Variants in SRCAP observed in about 807,000 individuals in gnomAD.
The protein encoded by SRCAP is Snf2 related CREBBP activator protein.
A neutral mutation model predicts 263.1 loss-of-function variants in SRCAP; 46 were observed. The observed-to-expected ratio is 0.17, with a 90% confidence interval of 0.14 to 0.22. The LOEUF (loss-of-function observed/expected upper bound fraction) is 0.22. Ranked by LOEUF, SRCAP falls within the 10% of genes least tolerant of loss-of-function variation. SRCAP has a pLI of 1.00. For synonymous variants in SRCAP, 1,813 were observed against 1,662.1 expected (o/e 1.09, Z -2.21); for missense variants, 3,695 against 4,181.9 (o/e 0.88, Z 3.21).
Position 30,723,946 on chromosome 16 carries a change from G to T in SRCAP, c.4522G>T (p.Gly1508Cys). The change falls in exon 25 of 34, where the codon GGT becomes TGT. Residue 1508 changes from glycine (G) to cysteine (C), a missense_variant. Around this residue, in one of 12 missense-constraint regions of SRCAP, gnomAD observed 1,347 missense variants for 1,304.4 expected, o/e 1.03. Coordinates refer to ENST00000262518, the MANE Select transcript of SRCAP (RefSeq NM_006662.3). Reference protein sequence around the residue: ...ASPSASALTLGLATAPSLSSS... With the variant: ...ASPSASALTLCLATAPSLSSS... Reference sequence around the variant, plus strand: ...CCCGTCAGCATCAGCCTTGACTCTAGGTTTGGCCACAGCTCCATCCCTGTC... The same window carrying T: ...CCCGTCAGCATCAGCCTTGACTCTATGTTTGGCCACAGCTCCATCCCTGTC... The T allele has an allele frequency of 6.2e-7, 1 of 1,614,122 alleles. No homozygotes were observed. The highest frequency in any genetic ancestry group is 8.5e-7 in the Non-Finnish European group (1 of 1,180,034).
At position 30,739,574 on chromosome 16, in the gene SRCAP, TGAG is replaced by T. The variant is rs376601598; in HGVS notation, c.9543_9545del (p.Glu3182del). ...AGGAGTCTGAGGCTGAAGCCTCAGGTGAGGAGGAGGAAGGGGATGGGACCCCAC... is the reference window on the plus strand; with the variant it reads ...AGGAGTCTGAGGCTGAAGCCTCAGGTGAGGAGGAAGGGGATGGGACCCCAC... On this transcript the variant is annotated inframe_deletion, in exon 34 of 34. Coordinates refer to ENST00000262518, the MANE Select transcript of SRCAP (RefSeq NM_006662.3). 19 of 1,605,816 alleles carry T rather than the reference TGAG, an allele frequency of 1.2e-5. No homozygotes were observed. In the East Asian group the frequency reaches 1.4e-4, roughly 11 times the overall value.
Position 30,700,772 on chromosome 16 carries a change from A to T in SRCAP, c.-53A>T, listed in dbSNP as rs370745484. Reference sequence around the variant, plus strand: ...AGCCCCTCGGCCAGCAGTACTGGTGATAACAACCCAGTCATTCTTCAGGCA... The same window carrying T: ...AGCCCCTCGGCCAGCAGTACTGGTGTTAACAACCCAGTCATTCTTCAGGCA... On this transcript the variant is annotated 5_prime_UTR_variant, in exon 3 of 34. Transcript: ENST00000262518. The T allele has an allele frequency of 5.9e-5, 92 of 1,557,610 alleles. No homozygotes were observed. Among genetic ancestry groups the T allele is most frequent in the Middle Eastern group, 5.2e-4 (3 of 5,798 alleles).
chr16:30,724,758 A>G lies in SRCAP; in HGVS notation c.5334A>G (p.Ser1778=). 1 of 1,613,110 alleles carries G rather than the reference A, an allele frequency of 6.2e-7. No individual in the cohort carries two copies. The highest frequency in any genetic ancestry group is 8.5e-7 in the Non-Finnish European group (1 of 1,179,692). ...TGGCTCCAGCATCGTCATCTGCTTC[A>G]CTCCTGGCCCCAGCTTCAGTGCAGA... ...LTLAPASSSA[S]LLAPASVQTL... The change falls in exon 25 of 34, where the codon TCA becomes TCG. Residue 1778 remains serine, a synonymous_variant. Coordinates refer to ENST00000262518, the MANE Select transcript of SRCAP (RefSeq NM_006662.3).
Position 30,739,342 on chromosome 16 carries a change from CAGGCGGGTT to C in SRCAP, c.9303_9311del (p.Gly3102_Leu3104del). 6.2e-7 allele frequency: 1 copy of C among 1,614,184 alleles called. No individual in the cohort carries two copies. The highest frequency in any genetic ancestry group is 8.5e-7 in the Non-Finnish European group (1 of 1,180,006). ...GACCTGGACTTAGCAGATAGCGGGC[CAGGCGGGTT>C]GGAATTGACACCACCTGTGGTCTCA... On this transcript the variant is annotated inframe_deletion, in exon 34 of 34. Transcript: ENST00000262518.
intron 8 of SRCAP, chr16:30,710,397 T>TA (rs1227287176): frequency 9.5e-6 from 6 of 632,608 alleles, no homozygotes; most frequent in African/African-American, 9.0e-5. Flanking sequence ...CTCTGACCGT[T>TA]ACTTGCCACT....
chr16:30,703,149 C>CTA (rs368190667), intron 3 of SRCAP, among the ~76,000 whole-genome samples: 9,223 of 143,198 alleles, frequency 0.064, 571 homozygotes, highest in African/African-American at 0.17. Flanking sequence ...AAATCATATG[C>CTA]TATATATATA....
Position 30,739,483 on chromosome 16 carries a change from G to A in SRCAP, c.9443G>A (p.Ser3148Asn). Residue 3148 changes from serine (S) to asparagine (N), a missense_variant, in exon 34 of 34, where the codon AGT becomes AAT. Ser to Asn is a conservative substitution (Grantham distance 46). Coordinates refer to ENST00000262518, the MANE Select transcript of SRCAP (RefSeq NM_006662.3). The part of the protein sequence containing the change: ...RKRAGAPVGG[S>N]PGLAKRGRLQ... ...CGAGCAGGGGCCCCAGTTGGTGGGA[G>A]TCCTGGGCTGGCAAAGCGGGGCCGC... 6.2e-7 allele frequency: 1 copy of A among 1,613,988 alleles called. No individual in the cohort carries two copies. The highest frequency in any genetic ancestry group is 8.5e-7 in the Non-Finnish European group (1 of 1,179,978).
intron 6 of SRCAP, 51 bp downstream of exon 6, chr16:30,707,763 A>G: frequency 6.2e-7 from 1 of 1,603,940 alleles, no homozygotes; most frequent in East Asian, 2.2e-5. Context: ...AGATTGGTAG[A>G]TGGCGTGGTA....
chr16:30,729,407 C>A lies in SRCAP; in HGVS notation c.5962C>A (p.Pro1988Thr). The A allele has an allele frequency of 6.2e-7, 1 of 1,614,188 alleles. No individual in the cohort carries two copies. ...CATGCCTCCTGTGGAGGCACCTCCCCCTTCCCTGCATGCCTGCCACCCACC... is the reference window on the plus strand; with the variant it reads ...CATGCCTCCTGTGGAGGCACCTCCCACTTCCCTGCATGCCTGCCACCCACC... ...FVMPPVEAPP[P>T]SLHACHPPPW... Residue 1988 changes from proline to threonine, a missense_variant, in exon 27 of 34, where the codon CCT (proline) becomes ACT (threonine). By Grantham distance (38) the Pro-to-Thr change is conservative. Transcript: ENST00000262518.
chr16:30,725,118 G>A lies in SRCAP; in HGVS notation c.5658+36G>A, dbSNP rs374350477. On this transcript the variant is annotated intron_variant, in intron 25 of 33. Transcript: ENST00000262518. ...CTTCCTCAAGAGGGAACAGGAAGTTGAGTTTCTTTGGAGTGTTGGTAGGGT... is the reference window on the plus strand; with the variant it reads ...CTTCCTCAAGAGGGAACAGGAAGTTAAGTTTCTTTGGAGTGTTGGTAGGGT... 7.5e-5 allele frequency: 118 copies of A among 1,565,780 alleles called. No homozygotes were observed. The African/African-American group carries it at 1.5e-3, about 20-fold the overall frequency.
At chr16:30,734,737 C>T in intron 31 of SRCAP, 122 bp downstream of exon 31, 3 of 1,450,868 alleles carry the variant, frequency 2.1e-6, no homozygotes, top group Middle Eastern at 2.1e-4. Context: ...AGATTACAGT[C>T]AGCCTTTGAT....
chr16:30,735,755 A>G (rs1483472568), intron 31 of SRCAP, among the ~76,000 whole-genome samples: 5 of 150,890 alleles, frequency 3.3e-5, no homozygotes, highest in Non-Finnish European at 7.4e-5. Flanking sequence ...TAATTTTTGT[A>G]TTTTTAGCAG....
In SRCAP at chr16:30,712,282, GCTT is replaced by G; in HGVS notation, c.1839_1841del (p.Leu614del). On this transcript the variant is annotated inframe_deletion, in exon 13 of 34. Coordinates refer to ENST00000262518, the MANE Select transcript of SRCAP (RefSeq NM_006662.3). ...GACAGGTAAAGACGCCCATTCCCCT[GCTT>G]CTGCGGGGCCAGCTCCGGGAGTACC... 1 of 1,597,916 alleles carries G rather than the reference GCTT, an allele frequency of 6.3e-7. No individual in the cohort carries two copies. The highest frequency in any genetic ancestry group is 8.5e-7 in the Non-Finnish European group (1 of 1,172,192).
intron 16 of SRCAP, among the ~76,000 whole-genome samples, chr16:30,715,676 T>C (rs1284803894): frequency 6.6e-6 from 1 of 152,254 alleles, no homozygotes; most frequent in African/African-American, 2.4e-5. Context: ...GACTGTGTCC[T>C]ATTAGATTTT....
At position 30,705,422 on chromosome 16, in the gene SRCAP, G is replaced by A. The variant is rs990451500; in HGVS notation, c.306+1107G>A. Among the ~76,000 whole-genome samples, 8 of 151,980 alleles carry A rather than the reference G, an allele frequency of 5.3e-5. No individual in the cohort carries two copies. The East Asian group carries it at 7.7e-4, about 15-fold the overall frequency. ...TTTTATTTATTTATTTTGTTGAGAC[G>A]GAGTCTCGCTCTGTCGCCCAGGCTG... is the stretch of plus-strand genomic sequence containing the variant. On this transcript the variant is annotated intron_variant, in intron 4 of 33. Coordinates refer to ENST00000262518, the MANE Select transcript of SRCAP (RefSeq NM_006662.3).
In SRCAP at chr16:30,737,580, C is replaced by T. The variant is rs1485524210; in HGVS notation, c.7540C>T (p.Pro2514Ser). ...ACTPPPAHTP[P>S]PAQTCLVTPS... ...TACCCCTCCACCAGCTCATACACCG[C>T]CTCCAGCCCAAACCTGTCTTGTAAC... The change falls in exon 34 of 34, where the codon CCT becomes TCT. Residue 2514 changes from proline to serine, a missense_variant. Pro to Ser is a moderately conservative substitution (Grantham distance 74). Transcript: ENST00000262518. 2.5e-6 allele frequency: 4 copies of T among 1,614,044 alleles called. No homozygotes were observed. In the African/African-American group the frequency reaches 4.0e-5, roughly 16 times the overall value.
chr16:30,720,653 G>A, intron 19 of SRCAP, 60 bp from the exon 20 acceptor site: 2 of 1,474,104 alleles, frequency 1.4e-6, no homozygotes, highest in Non-Finnish European at 9.1e-7. Flanking sequence ...TCTTTTCTTT[G>A]ATATTGCTAC....
chr16:30,713,628 A>C lies in SRCAP; in HGVS notation c.2410A>C (p.Lys804Gln), dbSNP rs753881990. The C allele has an allele frequency of 1.9e-6, 3 of 1,614,120 alleles. No individual in the cohort carries two copies. The Admixed American group carries it at 5.0e-5, about 27-fold the overall frequency. ...TGTCTTCCAGTCTCATCGCGAGTTCAAGGAGTGGTTCTCTAATCCCCTAAC... is the reference window on the plus strand; with the variant it reads ...TGTCTTCCAGTCTCATCGCGAGTTCCAGGAGTGGTTCTCTAATCCCCTAAC... The part of the protein sequence containing the change: ...PHVFQSHREF[K>Q]EWFSNPLTGM... The change falls in exon 16 of 34, where the codon AAG becomes CAG. Residue 804 changes from lysine (K) to glutamine (Q), a missense_variant. Physicochemically the swap from Lys to Gln is moderately conservative, Grantham distance 53. This residue lies in a region of SRCAP where 121 missense variants were observed against 330.7 expected (regional missense o/e 0.37). Transcript: ENST00000262518.
At position 30,733,251 on chromosome 16, in the gene SRCAP, G is replaced by A. The variant is rs934535538; in HGVS notation, c.6128-29G>A. The stretch of plus-strand genomic sequence containing the variant: ...TTCTACCCATTGCGGCTTGTAGCTA[G>A]CTCCCTGTATCCCTTCATATCTCTT... On this transcript the variant is annotated intron_variant, in intron 27 of 33. Transcript: ENST00000262518. The surrounding 1 kb of genome is among the most constrained non-coding windows in gnomAD (Gnocchi z 5.3). 7 of 1,607,576 alleles carry A rather than the reference G, an allele frequency of 4.4e-6. No individual in the cohort carries two copies. In the Admixed American group the frequency reaches 8.4e-5, roughly 19 times the overall value.
Sources: allele counts gnomAD v4.1 joint callset (sites outside exome capture counted in the v4.1 genomes callset), GRCh38; gene constraint gnomAD v4.1.1; regional missense constraint gnomAD v4.1.1; non-coding constraint Gnocchi (gnomAD v3.1); transcripts MANE v1.5; gene names NCBI Gene and HGNC (gene_info 2026-07-23, HGNC 2026-07-21).